The following INO80 variants were observed in gnomAD, a reference collection of about 807,000 sequenced individuals.
INO80 encodes the protein INO80 complex ATPase subunit.
INO80 carries 20 observed loss-of-function variants against 203.4 expected under a neutral mutation model. The ratio of observed to expected loss-of-function variants is 0.10; its 90% CI spans 0.07 to 0.14. The LOEUF (loss-of-function observed/expected upper bound fraction) is 0.14. Ranked by LOEUF, INO80 falls within the 10% of genes least tolerant of loss-of-function variation. The pLI is 1.00. For missense variants in INO80, 1,419 were observed against 1,914.4 expected (o/e 0.74, Z 4.83); for synonymous variants, 726 against 685.2 (o/e 1.06, Z -0.93).
intron 28 of INO80, 50 bp downstream of exon 28, chr15:41,005,543 C>T: frequency 2.2e-6 from 2 of 911,382 alleles, no homozygotes; most frequent in Non-Finnish European, 3.5e-6. Flanking sequence ...CCATTTCAAG[C>T]ACTAGAGGGA....
Position 41,072,696 on chromosome 15 carries a change from ATTAC to A in INO80, c.1396-642_1396-639del, listed in dbSNP as rs550370682. ...ATAAATAAATAACAAAGAGCAAGTTATTACTTAAGTGAAAGAAGGCATTAAATAA... is the reference window on the plus strand; with the variant it reads ...ATAAATAAATAACAAAGAGCAAGTTATTAAGTGAAAGAAGGCATTAAATAA... On this transcript the variant is annotated intron_variant, in intron 11 of 35. Transcript: ENST00000648947. Among the ~76,000 whole-genome samples, 151 of 151,290 alleles carry A rather than the reference ATTAC, an allele frequency of 1.0e-3. 1 individual carries two copies. The highest frequency in any genetic ancestry group is 2.4e-3 in the African/African-American group (100 of 41,416).
chr15:41,071,462 T>C (rs2045314886), intron 12 of INO80, among the ~76,000 whole-genome samples: 1 of 145,678 alleles, frequency 6.9e-6, no homozygotes, highest in Non-Finnish European at 1.5e-5. Flanking sequence ...TTTTTTTTTT[T>C]TTTTTTTTTG....
Position 41,044,979 on chromosome 15 carries a change from C to T in INO80, c.2832G>A (p.Leu944=), listed in dbSNP as rs775939364. The change falls in exon 24 of 36, where the codon CTG becomes CTA. Residue 944 remains leucine, a synonymous_variant. Coordinates refer to ENST00000648947, the MANE Select transcript of INO80 (RefSeq NM_017553.3). ...CCCCAAGAAGGAAATCCTTGTTCCTCAGGTATCTCTGGTGGCTCTCCCCTT... is the reference window on the plus strand; with the variant it reads ...CCCCAAGAAGGAAATCCTTGTTCCTTAGGTATCTCTGGTGGCTCTCCCCTT... ...APEGESHQRY[L]RNKDFLLGVN... The T allele has an allele frequency of 1.2e-6, 2 of 1,614,046 alleles. No homozygotes were observed. The highest frequency in any genetic ancestry group is 1.7e-6 in the Non-Finnish European group (2 of 1,179,986).
At chr15:41,076,787 T>C (rs1175174928) in intron 9 of INO80, among the ~76,000 whole-genome samples, 2 of 152,060 alleles carry the variant, frequency 1.3e-5, no homozygotes, top group Non-Finnish European at 2.9e-5. Flanking sequence ...AAAATAATCA[T>C]TGTGTCGATA....
At chr15:40,989,708 G>A (rs547383867) in intron 29 of INO80, among the ~76,000 whole-genome samples, 14 of 152,324 alleles carry the variant, frequency 9.2e-5, no homozygotes, top group African/African-American at 3.4e-4. Context: ...CTCCTGAGTA[G>A]CTGAGATCAC....
Position 41,096,160 on chromosome 15 carries a change from T to G in INO80, c.143+8A>C. ...GGTAAAACATATTGCAAAGATACAA[T>G]AACATACCTAGAAATATTCCTATTG... On this transcript the variant is annotated splice_region_variant and intron_variant, in intron 2 of 35. Coordinates refer to ENST00000648947, the MANE Select transcript of INO80 (RefSeq NM_017553.3). 1.3e-6 allele frequency: 2 copies of G among 1,597,466 alleles called. No individual in the cohort carries two copies. Among genetic ancestry groups the G allele is most frequent in the Non-Finnish European group, 1.7e-6 (2 of 1,174,840 alleles).
chr15:41,112,877 T>C (rs1216596602), intron 1 of INO80, among the ~76,000 whole-genome samples: 1 of 149,228 alleles, frequency 6.7e-6, no homozygotes, highest in Admixed American at 6.7e-5. Flanking sequence ...TTGTCCACTC[T>C]AAAATCCACT....
intron 14 of INO80, among the ~76,000 whole-genome samples, chr15:41,062,931 G>T (rs191126991): frequency 6.6e-6 from 1 of 152,212 alleles, no homozygotes; most frequent in Non-Finnish European, 1.5e-5. Context: ...GCTAAGAGAG[G>T]GAGGGAGAGC....
In INO80 at chr15:40,983,826, G is replaced by T. The variant is rs1421161579; in HGVS notation, c.4173C>A (p.Ala1391=). 6.2e-7 allele frequency: 1 copy of T among 1,612,930 alleles called. No individual in the cohort carries two copies. The highest frequency in any genetic ancestry group is 8.5e-7 in the Non-Finnish European group (1 of 1,179,990). The change falls in exon 34 of 36, where the codon GCC becomes GCA. Residue 1391 remains alanine (A), a synonymous_variant. Transcript: ENST00000648947. Reference sequence around the variant, plus strand: ...GAGAGTTGGTAGCTCGAGACTGAGGGGCTGAGGAGGCTGGGTCATCCACAA... The same window carrying T: ...GAGAGTTGGTAGCTCGAGACTGAGGTGCTGAGGAGGCTGGGTCATCCACAA... ...LVIVDDPASS[A]PQSRATNSPA...
chr15:41,093,297 C>T (rs1335467244), intron 4 of INO80, among the ~76,000 whole-genome samples: 3 of 151,930 alleles, frequency 2.0e-5, no homozygotes, highest in Admixed American at 6.6e-5. Flanking sequence ...TGGTGGCAAG[C>T]GCCTGTAGTT....
At chr15:41,041,384 C>T (rs144765461) in intron 24 of INO80, among the ~76,000 whole-genome samples, 311 of 151,842 alleles carry the variant, frequency 2.0e-3, no homozygotes, top group African/African-American at 7.0e-3. Flanking sequence ...AGCCACGATG[C>T]CTAGCCTCTA....
intron 28 of INO80, among the ~76,000 whole-genome samples, chr15:41,000,817 T>C (rs1429830846): frequency 1.3e-5 from 2 of 149,310 alleles, no homozygotes; most frequent in Admixed American, 6.7e-5. Context: ...CACTTACAAA[T>C]AGGGGCTATA....
intron 29 of INO80, among the ~76,000 whole-genome samples, chr15:40,995,339 A>G (rs1412142996): frequency 6.6e-6 from 1 of 152,206 alleles, no homozygotes; most frequent in Non-Finnish European, 1.5e-5. Context: ...GACTCATGGG[A>G]GGATGACTTA....
intron 33 of INO80, 66 bp downstream of exon 33, chr15:40,984,131 G>A (rs190362780): frequency 2.0e-6 from 3 of 1,531,900 alleles, no homozygotes; most frequent in African/African-American, 1.4e-5. Context: ...GCCCAGCAGT[G>A]TGTCCCTGCT....
At chr15:40,994,250 A>G (rs757319487) in intron 29 of INO80, among the ~76,000 whole-genome samples, 2 of 152,180 alleles carry the variant, frequency 1.3e-5, no homozygotes, top group Non-Finnish European at 2.9e-5. Flanking sequence ...ATCTTGGCTC[A>G]AATGTCACCT....
chr15:41,073,895 TCTA>T (rs907829729), intron 10 of INO80, among the ~76,000 whole-genome samples: 4 of 152,172 alleles, frequency 2.6e-5, no homozygotes, highest in African/African-American at 9.6e-5. Context: ...AGTTACAATC[TCTA>T]CTATTTCTAG....
intron 1 of INO80, among the ~76,000 whole-genome samples, chr15:41,114,192 G>A (rs922774085): frequency 2.0e-5 from 3 of 151,676 alleles, no homozygotes; most frequent in Non-Finnish European, 2.9e-5. Context: ...GCTTGAACCC[G>A]GGAGGCGGAA....
intron 28 of INO80, chr15:40,999,233 A>T (rs376205980): frequency 3.9e-5 from 6 of 152,336 alleles, no homozygotes; most frequent in African/African-American, 1.4e-4. Flanking sequence ...AAACACCAGA[A>T]ACAAACATAC....
intron 4 of INO80, among the ~76,000 whole-genome samples, chr15:41,095,353 C>CT (rs1370472962): frequency 6.6e-6 from 1 of 152,146 alleles, no homozygotes; most frequent in Non-Finnish European, 1.5e-5. Flanking sequence ...AAAACAAAAT[C>CT]TGAAACACGT....
Sources: gnomAD v4.1 joint callset for allele counts (sites outside exome capture counted in the v4.1 genomes callset) on GRCh38, gnomAD v4.1.1 for gene constraint, MANE v1.5 for transcripts, NCBI Gene and HGNC (gene_info 2026-07-23, HGNC 2026-07-21) for gene names.